The following OSBPL1A variants were observed in gnomAD, a reference collection of about 807,000 sequenced individuals.
The protein encoded by OSBPL1A is oxysterol binding protein like 1A.
In OSBPL1A, 80 loss-of-function variants were observed where a neutral mutation model predicts 137.1. The observed-to-expected ratio is 0.58, with a 90% CI of 0.49 to 0.70. The LOEUF (loss-of-function observed/expected upper bound fraction) is 0.70. OSBPL1A is among the 30% of genes least tolerant of loss of function. OSBPL1A has a pLI of 0.00. For missense variants in OSBPL1A, 970 were observed against 1,129.4 expected (o/e 0.86, Z 2.02); for synonymous variants, 365 against 389.7 (o/e 0.94, Z 0.75).
At chr18:24,299,074 A>G (rs1004223391) in intron 14 of OSBPL1A, among the ~76,000 whole-genome samples, 1 of 152,072 alleles carries the variant, frequency 6.6e-6, no homozygotes, top group African/African-American at 2.4e-5. Flanking sequence ...TTTCATTTGC[A>G]TGGAATATCT....
intron 15 of OSBPL1A, among the ~76,000 whole-genome samples, chr18:24,273,652 C>A (rs565052935): frequency 5.3e-5 from 8 of 152,324 alleles, no homozygotes; most frequent in African/African-American, 1.9e-4. Flanking sequence ...CCATCTACCA[C>A]ATGCCAAGTA....
intron 17 of OSBPL1A, 29 bp downstream of exon 17, chr18:24,225,013 G>A: frequency 6.2e-7 from 1 of 1,612,164 alleles, no homozygotes; most frequent in South Asian, 1.1e-5. Flanking sequence ...TAAAAACGCA[G>A]CAGTGACAAC....
rs181275891 is a variant in OSBPL1A at position 24,275,915 on chromosome 18, G to A, written c.1281+4927C>T. Among the ~76,000 whole-genome samples the A allele has an allele frequency of 1.8e-3, 271 of 152,036 alleles. 1 individual carries two copies. Among genetic ancestry groups the A allele is most frequent in the Non-Finnish European group, 3.1e-3 (210 of 67,982 alleles). On this transcript the variant is annotated intron_variant, in intron 15 of 27. Coordinates refer to ENST00000319481, the MANE Select transcript of OSBPL1A (RefSeq NM_080597.4). ...GCTAATTTTTTGTATTTTTAGTAGA[G>A]ACGAGGTTTCACCATGTTGGACAGA... is the stretch of plus-strand genomic sequence containing the variant.
chr18:24,342,196 G>A (rs1032251548), intron 4 of OSBPL1A, among the ~76,000 whole-genome samples: 14 of 152,090 alleles, frequency 9.2e-5, no homozygotes, highest in African/African-American at 3.4e-4. Flanking sequence ...AGATAAGCAC[G>A]ACAGTCTCCT....
chr18:24,270,795 A>G (rs942331745), intron 15 of OSBPL1A, among the ~76,000 whole-genome samples: 9 of 151,942 alleles, frequency 5.9e-5, no homozygotes, highest in African/African-American at 2.2e-4. Context: ...CATTTCAAGC[A>G]TTTTTCTCTC....
At chr18:24,242,240 T>C (rs1213040763) in intron 15 of OSBPL1A, among the ~76,000 whole-genome samples, 1 of 150,914 alleles carries the variant, frequency 6.6e-6, no homozygotes, top group Admixed American at 6.6e-5. Flanking sequence ...CATATATATA[T>C]ATGCAGAACA....
intron 20 of OSBPL1A, among the ~76,000 whole-genome samples, 173 bp downstream of exon 20, chr18:24,179,565 T>C (rs1394710248): frequency 6.6e-6 from 1 of 152,242 alleles, no homozygotes; most frequent in Non-Finnish European, 1.5e-5. Context: ...GTACCTTTTA[T>C]ATATGTTTCA....
intron 7 of OSBPL1A, among the ~76,000 whole-genome samples, chr18:24,320,695 G>A (rs1357001607): frequency 6.6e-6 from 1 of 152,116 alleles, no homozygotes; most frequent in East Asian, 1.9e-4. Flanking sequence ...AGAGTAACAT[G>A]ATCTGACTCA....
intron 18 of OSBPL1A, among the ~76,000 whole-genome samples, chr18:24,189,932 T>C (rs984247352): frequency 6.6e-6 from 1 of 152,254 alleles, no homozygotes; most frequent in Non-Finnish European, 1.5e-5. Context: ...GAAAAGGCGG[T>C]GTGTTCATCA....
Position 24,314,255 on chromosome 18 carries a change from T to A in OSBPL1A, c.963A>T (p.Ser321=). The A allele has an allele frequency of 6.3e-7, 1 of 1,593,340 alleles. No homozygotes were observed. Among genetic ancestry groups the A allele is most frequent in the South Asian group, 1.1e-5 (1 of 88,144 alleles). The part of the protein sequence containing the change: ...FRVPKNSLQQ[S]REDWLEAIEE... ...CATGAATCCATAAGATTACCTCTCTTGACTGCTGAAGGCTATTCTTAGGAA... is the reference window on the plus strand; with the variant it reads ...CATGAATCCATAAGATTACCTCTCTAGACTGCTGAAGGCTATTCTTAGGAA... Residue 321 remains serine, a synonymous_variant, in exon 12 of 28, where the codon TCA becomes TCT. Coordinates refer to ENST00000319481, the MANE Select transcript of OSBPL1A (RefSeq NM_080597.4).
At chr18:24,171,566 G>C (rs1599428947) in intron 22 of OSBPL1A, 68 bp from the exon 23 acceptor site, 5 of 1,239,028 alleles carry the variant, frequency 4.0e-6, no homozygotes, top group Admixed American at 1.9e-5. Flanking sequence ...AAATAACTGT[G>C]ATCACTTTTC....
intron 1 of OSBPL1A, among the ~76,000 whole-genome samples, chr18:24,382,719 A>G (rs1226936163): frequency 1.3e-5 from 2 of 151,830 alleles, no homozygotes; most frequent in East Asian, 1.9e-4. Flanking sequence ...CTACAAAAAT[A>G]CAAAAATTAA....
chr18:24,250,182 GTTTGTTTT>G (rs1323765341), intron 15 of OSBPL1A, among the ~76,000 whole-genome samples: 1 of 141,986 alleles, frequency 7.0e-6, no homozygotes, highest in Non-Finnish European at 1.5e-5. Context: ...TTGTTTGTTT[GTTTGTTTT>G]TTTTGACATG....
chr18:24,246,344 C>T (rs2088886089), intron 15 of OSBPL1A, among the ~76,000 whole-genome samples: 2 of 152,106 alleles, frequency 1.3e-5, no homozygotes, highest in African/African-American at 2.4e-5. Context: ...GTGCACAGGG[C>T]TTGCAAACCA....
chr18:24,321,835 T>G (rs2090866223), intron 7 of OSBPL1A: 1 of 404,438 alleles, frequency 2.5e-6, no homozygotes, highest in African/African-American at 2.1e-5. Context: ...AGATACAGAG[T>G]GGCCATTATT....
At chr18:24,191,051 C>T (rs2086876503) in intron 18 of OSBPL1A, among the ~76,000 whole-genome samples, 1 of 152,168 alleles carries the variant, frequency 6.6e-6, no homozygotes, top group African/African-American at 2.4e-5. Flanking sequence ...TTTTCTCAAC[C>T]CTTTCTCAGT....
At chr18:24,364,609 T>G (rs139242623) in intron 4 of OSBPL1A, among the ~76,000 whole-genome samples, 3 of 151,534 alleles carry the variant, frequency 2.0e-5, no homozygotes, top group Non-Finnish European at 2.9e-5. Context: ...AAACAATTTT[T>G]TTTTAATTTT....
intron 15 of OSBPL1A, among the ~76,000 whole-genome samples, chr18:24,273,366 AG>A (rs2089766345): frequency 6.6e-6 from 1 of 152,236 alleles, no homozygotes; most frequent in Non-Finnish European, 1.5e-5. Flanking sequence ...AGTTTATAAA[AG>A]TAGTGCTAGG....
intron 21 of OSBPL1A, among the ~76,000 whole-genome samples, chr18:24,174,257 T>C (rs193198531): frequency 5.3e-5 from 8 of 152,358 alleles, no homozygotes; most frequent in African/African-American, 1.9e-4. Flanking sequence ...GGTGTGATAT[T>C]GCTGAGTCAT....
Sources: allele counts gnomAD v4.1 joint callset (sites outside exome capture counted in the v4.1 genomes callset), GRCh38; gene constraint gnomAD v4.1.1; transcripts MANE v1.5; gene names NCBI Gene and HGNC (gene_info 2026-07-23, HGNC 2026-07-21).